The following RERE variants were observed in gnomAD, a reference collection of about 807,000 sequenced individuals.
RERE encodes arginine-glutamic acid dipeptide repeats protein.
In RERE, 40 loss-of-function variants were observed where a neutral mutation model predicts 146.1. The ratio of observed to expected loss-of-function variants is 0.27; its 90% CI spans 0.21 to 0.36. The LOEUF (loss-of-function observed/expected upper bound fraction) is 0.36. Ranked by LOEUF, RERE falls within the 10% of genes least tolerant of loss-of-function variation. The probability of loss-of-function intolerance (pLI) is 1.00; values close to 1 mark genes in which losing one functional copy is unlikely to be tolerated. For missense variants in RERE, 1,933 were observed against 2,138.7 expected (o/e 0.90, Z 1.90); for synonymous variants, 1,003 against 866.0 (o/e 1.16, Z -2.78).
rs955955399 is a variant in RERE, at chr1:8,802,787, G to C, written c.-145+14373C>G. 5.3e-5 allele frequency among the ~76,000 whole-genome samples: 8 copies of C among 151,922 alleles called. 1 individual carries two copies. Among genetic ancestry groups the C allele is most frequent in the African/African-American group, 1.9e-4 (8 of 41,346 alleles). On this transcript the variant is annotated intron_variant, in intron 1 of 22. Transcript: ENST00000400908. ...TTAATTAAACTTGTATTTCACTAAA[G>C]CATATAATAAAAAGAAAGGGGCAAG...
chr1:8,511,560 T>C (rs1207961261), intron 7 of RERE, among the ~76,000 whole-genome samples: 2 of 152,108 alleles, frequency 1.3e-5, no homozygotes, highest in African/African-American at 4.8e-5. Flanking sequence ...GTCCAAGATA[T>C]AAAGAGGTAG....
chr1:8,521,358 T>C lies in RERE; in HGVS notation c.831-12683A>G, dbSNP rs189224543. Among the ~76,000 whole-genome samples, 45 of 152,254 alleles carry C rather than the reference T, an allele frequency of 3.0e-4. No individual in the cohort carries two copies. The East Asian group carries it at 8.3e-3, about 28-fold the overall frequency. The stretch of plus-strand genomic sequence containing the variant: ...ACAGGCTATTAAAAATAAAAAGATG[T>C]TGGCCAGGCACAGTGGCTCATGCCT... On this transcript the variant is annotated intron_variant, in intron 7 of 22. Transcript: ENST00000400908.
chr1:8,503,143 A>G (rs1214992927), intron 8 of RERE, among the ~76,000 whole-genome samples: 1 of 151,492 alleles, frequency 6.6e-6, no homozygotes, highest in Admixed American at 6.6e-5. Context: ...AGAATTGATG[A>G]GTCAACCTCT....
chr1:8,480,601 A>G (rs1398732839), intron 10 of RERE, among the ~76,000 whole-genome samples: 2 of 151,130 alleles, frequency 1.3e-5, no homozygotes, highest in Non-Finnish European at 2.9e-5. Context: ...ATACTTGGCT[A>G]ATTTTTGTAT....
At chr1:8,724,936 T>G (rs1356957016) in intron 1 of RERE, among the ~76,000 whole-genome samples, 1 of 151,346 alleles carries the variant, frequency 6.6e-6, no homozygotes, top group Non-Finnish European at 1.5e-5. Context: ...ACTTTCTACT[T>G]TTTTCGTTAA....
intron 8 of RERE, among the ~76,000 whole-genome samples, chr1:8,501,318 G>A (rs1265578647): frequency 1.5e-4 from 17 of 115,026 alleles, no homozygotes; most frequent in South Asian, 5.5e-4. Flanking sequence ...CAGCCGCCCC[G>A]TCCGGGAGGG....
At chr1:8,424,425 G>A (rs367862946) in intron 11 of RERE, among the ~76,000 whole-genome samples, 3 of 152,358 alleles carry the variant, frequency 2.0e-5, no homozygotes, top group East Asian at 3.9e-4. Flanking sequence ...AGTAGTGGAG[G>A]CTTTGCGTTT....
chr1:8,515,520 A>C (rs1645402349), intron 7 of RERE, among the ~76,000 whole-genome samples: 1 of 152,086 alleles, frequency 6.6e-6, no homozygotes. Context: ...AGTCCCAGCT[A>C]CTCAGGAGGC....
chr1:8,453,817 A>AAT (rs1553168625), intron 11 of RERE, among the ~76,000 whole-genome samples: 7 of 151,028 alleles, frequency 4.6e-5, no homozygotes, highest in Admixed American at 1.3e-4. Flanking sequence ...TCAAAAAAAA[A>AAT]TTTTTTTTTA....
intron 4 of RERE, among the ~76,000 whole-genome samples, chr1:8,606,883 C>T (rs766654620): frequency 2.0e-5 from 3 of 152,126 alleles, no homozygotes; most frequent in Non-Finnish European, 4.4e-5. Flanking sequence ...AATCGTAAAA[C>T]ATGAGATCAA....
At chr1:8,567,706 T>G (rs186837350) in intron 4 of RERE, among the ~76,000 whole-genome samples, 20 of 152,320 alleles carry the variant, frequency 1.3e-4, no homozygotes, top group African/African-American at 4.8e-4. Context: ...TTCTTGTATT[T>G]GTTTGTAGCA....
intron 4 of RERE, among the ~76,000 whole-genome samples, chr1:8,559,157 A>G (rs1323967974): frequency 6.6e-6 from 1 of 150,628 alleles, no homozygotes; most frequent in Non-Finnish European, 1.5e-5. Flanking sequence ...GGGCATGCCT[A>G]TAATCCCAGC....
At chr1:8,512,325 G>A (rs922191874) in intron 7 of RERE, among the ~76,000 whole-genome samples, 4 of 151,964 alleles carry the variant, frequency 2.6e-5, no homozygotes, top group African/African-American at 9.7e-5. Context: ...GAGCCACCGC[G>A]CCCGGCCAGG....
rs1223617153 is a variant in RERE at position 8,363,008 on chromosome 1, T to C, written c.1741-164A>G. ...GCCGCCCTGCCTGTCCCTGGCTGCA[T>C]GAAGGTCGGTGTGGAGCTCAGGGAA... On this transcript the variant is annotated intron_variant, in intron 15 of 22. Transcript: ENST00000400908. 4.6e-5 allele frequency among the ~76,000 whole-genome samples: 7 copies of C among 152,334 alleles called. No individual in the cohort carries two copies. In the South Asian group the frequency reaches 1.4e-3, roughly 32 times the overall value.
At position 8,744,202 on chromosome 1, in the gene RERE, C is replaced by T. The variant is rs147235380; in HGVS notation, c.-145+72958G>A. 3.9e-5 allele frequency among the ~76,000 whole-genome samples: 6 copies of T among 152,290 alleles called. No homozygotes were observed. The East Asian group carries it at 1.2e-3, about 29-fold the overall frequency. ...CAAAATGAAATTGTTATTCCAACTA[C>T]ACCCAAAAATCATTAAGGCTGCCCC... On this transcript the variant is annotated intron_variant, in intron 1 of 22. Transcript: ENST00000400908.
intron 11 of RERE, among the ~76,000 whole-genome samples, chr1:8,455,046 G>C (rs1644437363): frequency 6.6e-6 from 1 of 151,930 alleles, no homozygotes; most frequent in South Asian, 2.1e-4. Context: ...GAAGAGCCTG[G>C]CTTATCTTCT....
At chr1:8,550,245 C>T (rs990936489) in intron 6 of RERE, among the ~76,000 whole-genome samples, 5 of 152,178 alleles carry the variant, frequency 3.3e-5, no homozygotes, top group African/African-American at 1.2e-4. Context: ...GAATATCTTA[C>T]TGGGTAGGTT....
At chr1:8,361,548 G>T in intron 17 of RERE, 58 bp from the exon 18 acceptor site, 1 of 1,579,038 alleles carries the variant, frequency 6.3e-7, no homozygotes, top group Non-Finnish European at 8.6e-7. Flanking sequence ...TGTCTGCTCT[G>T]CACCACCAGT....
At chr1:8,695,521 G>A (rs1009607166) in intron 1 of RERE, among the ~76,000 whole-genome samples, 1 of 150,186 alleles carries the variant, frequency 6.7e-6, no homozygotes, top group African/African-American at 2.5e-5. Flanking sequence ...AGGCCCAGGG[G>A]GGCGGATCAC....
Sources: allele counts gnomAD v4.1 joint callset (sites outside exome capture counted in the v4.1 genomes callset), GRCh38; gene constraint gnomAD v4.1.1; transcripts MANE v1.5; gene names NCBI Gene and HGNC (gene_info 2026-07-23, HGNC 2026-07-21).